Variants in GALNTL6 observed in about 807,000 individuals in gnomAD.
The protein encoded by GALNTL6 is polypeptide N-acetylgalactosaminyltransferase like 6, also known as polypeptide N-acetylgalactosaminyltransferase-like 6.
A neutral mutation model predicts 73.7 loss-of-function variants in GALNTL6; 46 were observed. The observed-to-expected ratio is 0.62, with a 90% CI of 0.49 to 0.80. The LOEUF is 0.80. Ranked by LOEUF, GALNTL6 falls within the 30% of genes least tolerant of loss-of-function variation. GALNTL6 has a pLI of 0.00. For missense variants in GALNTL6, 604 were observed against 755.0 expected (o/e 0.80, Z 2.34); for synonymous variants, 259 against 263.7 (o/e 0.98, Z 0.17).
chr4:171,951,839 T>A (rs1738891117), intron 2 of GALNTL6, among the ~76,000 whole-genome samples: 1 of 151,952 alleles, frequency 6.6e-6, no homozygotes, highest in Non-Finnish European at 1.5e-5. Context: ...TATCAAAACT[T>A]GAGGGATAAA....
At chr4:171,937,709 C>T (rs1738394635) in intron 2 of GALNTL6, among the ~76,000 whole-genome samples, 1 of 152,016 alleles carries the variant, frequency 6.6e-6, no homozygotes, top group Non-Finnish European at 1.5e-5. Flanking sequence ...AAGAGTCTTC[C>T]AGAAAAATTG....
intron 5 of GALNTL6, among the ~76,000 whole-genome samples, chr4:172,548,997 T>C: frequency 6.6e-6 from 1 of 152,152 alleles, no homozygotes; most frequent in Non-Finnish European, 1.5e-5. Context: ...GTTTTGTTTG[T>C]TATTTATATT....
intron 4 of GALNTL6, among the ~76,000 whole-genome samples, chr4:172,342,132 T>A (rs972975896): frequency 2.6e-5 from 4 of 152,144 alleles, no homozygotes; most frequent in Admixed American, 6.5e-5. Flanking sequence ...GGGTATTTTG[T>A]CACACATTTT....
intron 4 of GALNTL6, among the ~76,000 whole-genome samples, chr4:172,314,387 A>C (rs1256097263): frequency 6.6e-6 from 1 of 152,110 alleles, no homozygotes; most frequent in Non-Finnish European, 1.5e-5. Flanking sequence ...GATTTAACTG[A>C]ACTTGATCTT....
At chr4:172,624,266 G>GT (rs1326034470) in intron 5 of GALNTL6, among the ~76,000 whole-genome samples, 1 of 151,834 alleles carries the variant, frequency 6.6e-6, no homozygotes, top group Admixed American at 6.6e-5. Context: ...TGTTGTTTTT[G>GT]TTTTTTGTTT....
chr4:172,242,653 A>G (rs1737485219), intron 3 of GALNTL6, among the ~76,000 whole-genome samples: 1 of 152,212 alleles, frequency 6.6e-6, no homozygotes, highest in African/African-American at 2.4e-5. Context: ...TTAAATAGTC[A>G]TAATGGTAGG....
At chr4:171,864,467 A>T (rs567338646) in intron 2 of GALNTL6, among the ~76,000 whole-genome samples, 2 of 152,332 alleles carry the variant, frequency 1.3e-5, no homozygotes, top group South Asian at 4.1e-4. Context: ...CAGGGTACAT[A>T]CAGATTAAAC....
intron 5 of GALNTL6, among the ~76,000 whole-genome samples, chr4:172,582,386 G>A (rs955244147): frequency 5.3e-5 from 8 of 152,068 alleles, no homozygotes; most frequent in South Asian, 2.1e-4. Flanking sequence ...CTTGGTATCC[G>A]AGGATTGGTT....
chr4:172,684,160 T>TA (rs1186577127), intron 5 of GALNTL6, among the ~76,000 whole-genome samples: 1 of 152,212 alleles, frequency 6.6e-6, no homozygotes, highest in Non-Finnish European at 1.5e-5. Context: ...TCAGAATCTT[T>TA]AAAATTAAGA....
At chr4:172,310,857 A>C (rs1740330526) in intron 3 of GALNTL6, among the ~76,000 whole-genome samples, 1 of 152,004 alleles carries the variant, frequency 6.6e-6, no homozygotes, top group Non-Finnish European at 1.5e-5. Context: ...TAATAAAATA[A>C]AATATTTGCA....
chr4:172,389,089 A>G (rs1237119185), intron 5 of GALNTL6, among the ~76,000 whole-genome samples: 3 of 152,054 alleles, frequency 2.0e-5, no homozygotes, highest in African/African-American at 7.2e-5. Flanking sequence ...TAATTTCAGG[A>G]ACTATGACCT....
intron 2 of GALNTL6, among the ~76,000 whole-genome samples, chr4:172,213,554 G>C (rs1026425232): frequency 7.9e-5 from 12 of 152,092 alleles, no homozygotes; most frequent in African/African-American, 2.9e-4. Context: ...TTTTGCATTT[G>C]TATATCTTCT....
intron 2 of GALNTL6, among the ~76,000 whole-genome samples, chr4:172,227,135 T>G (rs1736894543): frequency 6.6e-6 from 1 of 152,098 alleles, no homozygotes. Flanking sequence ...AGAGAAGGGC[T>G]TGCTAATTAG....
At chr4:172,742,725 C>T (rs556022691) in intron 5 of GALNTL6, among the ~76,000 whole-genome samples, 19 of 152,162 alleles carry the variant, frequency 1.2e-4, no homozygotes, top group African/African-American at 4.3e-4. Context: ...AAGCGAACAA[C>T]AAACTATACT....
At chr4:172,247,425 T>C (rs1737700234) in intron 3 of GALNTL6, among the ~76,000 whole-genome samples, 1 of 152,200 alleles carries the variant, frequency 6.6e-6, no homozygotes, top group African/African-American at 2.4e-5. Flanking sequence ...AAGGCACTAA[T>C]ACAACTGATA....
intron 5 of GALNTL6, among the ~76,000 whole-genome samples, chr4:172,714,148 T>C (rs1734904974): frequency 6.6e-6 from 1 of 152,194 alleles, no homozygotes; most frequent in African/African-American, 2.4e-5. Context: ...AGGGATATTA[T>C]TGTTTTTGTT....
At chr4:172,896,109 AG>A (rs1746317117) in intron 8 of GALNTL6, among the ~76,000 whole-genome samples, 1 of 152,108 alleles carries the variant, frequency 6.6e-6, no homozygotes, top group East Asian at 1.9e-4. Flanking sequence ...CCCTCATTTT[AG>A]GGTTGACCTC....
At chr4:172,888,162 C>A (rs754350268) in intron 8 of GALNTL6, among the ~76,000 whole-genome samples, 1 of 152,132 alleles carries the variant, frequency 6.6e-6, no homozygotes, top group African/African-American at 2.4e-5. Flanking sequence ...TTGATAGTTT[C>A]TTTTGCTGTG....
At chr4:172,219,479 A>T (rs1166713030) in intron 2 of GALNTL6, among the ~76,000 whole-genome samples, 7 of 151,722 alleles carry the variant, frequency 4.6e-5, no homozygotes, top group African/African-American at 4.8e-5. Flanking sequence ...TAAATTTAAA[A>T]ACTTTTTGAT....
Sources: allele counts gnomAD v4.1 joint callset (sites outside exome capture counted in the v4.1 genomes callset), GRCh38; gene constraint gnomAD v4.1.1; transcripts MANE v1.5; gene names NCBI Gene and HGNC (gene_info 2026-07-23, HGNC 2026-07-21).